The following TNIP3 variants were observed in gnomAD, a reference collection of about 807,000 sequenced individuals.
TNIP3 encodes the protein TNFAIP3-interacting protein 3.
Under a neutral mutation model 54.1 loss-of-function variants are expected in TNIP3, and 34 were observed. That is an observed-to-expected ratio of 0.63 (90% CI 0.48 to 0.84). TNIP3 has a LOEUF of 0.84. Among genes scored for constraint, TNIP3 ranks in the 40% least tolerant of loss-of-function variants. The pLI is 0.00. For synonymous variants in TNIP3, 134 were observed against 136.8 expected, an observed-to-expected ratio of 0.98 and a Z score of 0.14; for missense variants, 366 against 387.6, an observed-to-expected ratio of 0.94 and a Z score of 0.47.
chr4:121,176,569 T>A (rs947918487), intron 3 of TNIP3, among the ~76,000 whole-genome samples: 1 of 151,998 alleles, frequency 6.6e-6, no homozygotes, highest in Non-Finnish European at 1.5e-5. Context: ...GTTGTGTTGG[T>A]TTAGCACTTT....
chr4:121,148,554 T>C (rs1729560597), intron 6 of TNIP3, among the ~76,000 whole-genome samples: 1 of 152,216 alleles, frequency 6.6e-6, no homozygotes, highest in South Asian at 2.1e-4. Flanking sequence ...ACAGTTACTT[T>C]AGGGGTTGAG....
At chr4:121,152,908 A>T (rs1177191241) in intron 5 of TNIP3, among the ~76,000 whole-genome samples, 1 of 152,158 alleles carries the variant, frequency 6.6e-6, no homozygotes, top group Non-Finnish European at 1.5e-5. Flanking sequence ...CAAAAATCCT[A>T]CCTTCATGGA....
chr4:121,175,446 C>T (rs949853788), intron 3 of TNIP3, among the ~76,000 whole-genome samples: 4 of 152,136 alleles, frequency 2.6e-5, no homozygotes, highest in Non-Finnish European at 1.5e-5. Flanking sequence ...GGTTGCTTCC[C>T]CCACCAAGCC....
In TNIP3 at chr4:121,150,178, C is replaced by G. The variant is rs1729661568; in HGVS notation, c.534G>C (p.Glu178Asp). Residue 178 changes from glutamate (E) to aspartate (D), a missense_variant, in exon 6 of 11, where the codon GAG becomes GAC. Glu to Asp is a conservative substitution (Grantham distance 45). Coordinates refer to ENST00000057513, the MANE Select transcript of TNIP3 (RefSeq NM_024873.6). ...DALNIKCSFSEDCLRKSRVEF... is the reference protein window; with the variant it reads ...DALNIKCSFSDDCLRKSRVEF... ...CCACTCGAGACTTCCTCAAACAGTC[C>G]TCGGAAAATGAACACTTGATATTCA... The G allele has an allele frequency of 6.2e-7, 1 of 1,613,598 alleles. No individual in the cohort carries two copies. The highest frequency in any genetic ancestry group is 1.3e-5 in the African/African-American group (1 of 74,858).
intron 2 of TNIP3, among the ~76,000 whole-genome samples, chr4:121,202,799 T>C (rs938409645): frequency 2.6e-5 from 4 of 151,932 alleles, no homozygotes; most frequent in African/African-American, 9.7e-5. Context: ...AAAGAAGATA[T>C]AAAAATGACC....
At chr4:121,160,856 G>A (rs1730405373) in intron 2 of TNIP3, among the ~76,000 whole-genome samples, 1 of 152,164 alleles carries the variant, frequency 6.6e-6, no homozygotes, top group South Asian at 2.1e-4. Flanking sequence ...CTTGGTCTGT[G>A]TGGAGGAAAC....
At chr4:121,152,068 G>A (rs1421766068) in intron 5 of TNIP3, among the ~76,000 whole-genome samples, 2 of 152,132 alleles carry the variant, frequency 1.3e-5, no homozygotes, top group South Asian at 2.1e-4. Context: ...AAATTGAATA[G>A]AGTACACATA....
In TNIP3 at chr4:121,154,580, A is replaced by G. The variant is rs761864588; in HGVS notation, c.463T>C (p.Tyr155His). 6.2e-7 allele frequency: 1 copy of G among 1,613,804 alleles called. No homozygotes were observed. Among genetic ancestry groups the G allele is most frequent in the Non-Finnish European group, 8.5e-7 (1 of 1,180,006 alleles). ...NTLANKEKEH[Y>H]ECEIKRLNKA... is the part of the protein sequence containing the mutation. ...TTGAGGCGTTTTATTTCACATTCGT[A>G]ATGTTCCTTTTCCTTGTTCGCAAGA... is the stretch of plus-strand genomic sequence containing the variant. The change falls in exon 5 of 11, where the codon TAC (tyrosine) becomes CAC (histidine). Residue 155 changes from tyrosine (Y) to histidine (H), a missense_variant. Coordinates refer to ENST00000057513, the MANE Select transcript of TNIP3 (RefSeq NM_024873.6).
intron 4 of TNIP3, among the ~76,000 whole-genome samples, chr4:121,156,244 A>G (rs1730078782): frequency 1.3e-5 from 2 of 152,226 alleles, no homozygotes; most frequent in Admixed American, 6.5e-5. Context: ...GATATCAGTG[A>G]TAAGATTTCC....
At chr4:121,168,456 C>T (rs895884345), upstream of TNIP3, among the ~76,000 whole-genome samples, 55 of 152,166 alleles carry the variant, frequency 3.6e-4, no homozygotes, top group African/African-American at 1.2e-3. Flanking sequence ...GCCTCGGCCT[C>T]CCAAAGTGCT....
At chr4:121,159,334 T>A (rs1281759246) in intron 2 of TNIP3, among the ~76,000 whole-genome samples, 2 of 152,248 alleles carry the variant, frequency 1.3e-5, no homozygotes, top group Non-Finnish European at 2.9e-5. Context: ...AGTTTATCAG[T>A]AACTTTTAAC....
upstream of TNIP3, among the ~76,000 whole-genome samples, chr4:121,220,824 C>T (rs1448968050): frequency 6.6e-6 from 1 of 152,042 alleles, no homozygotes; most frequent in Non-Finnish European, 1.5e-5. Context: ...GAATGGACAG[C>T]AGGATTCGTT....
chr4:121,199,680 G>A (rs369270083), intron 2 of TNIP3, among the ~76,000 whole-genome samples: 1 of 152,224 alleles, frequency 6.6e-6, no homozygotes, highest in Non-Finnish European at 1.5e-5. Context: ...GAGAAGAATG[G>A]CCTGGAGAAG....
At chr4:121,179,405 C>T (rs1724551210) in intron 3 of TNIP3, among the ~76,000 whole-genome samples, 2 of 152,242 alleles carry the variant, frequency 1.3e-5, no homozygotes, top group Non-Finnish European at 2.9e-5. Flanking sequence ...ATATTTACCC[C>T]AATAGGTATT....
At chr4:121,159,484 G>A (rs1452592676) in intron 2 of TNIP3, among the ~76,000 whole-genome samples, 2 of 151,926 alleles carry the variant, frequency 1.3e-5, no homozygotes, top group African/African-American at 4.8e-5. Flanking sequence ...ATTTTTCTTT[G>A]TGCTTACACT....
Position 121,227,343 on chromosome 4 carries a change from A to G in TNIP3, c.3+42T>C, listed in dbSNP as rs1033899383. 18 of 1,527,536 alleles carry G rather than the reference A, an allele frequency of 1.2e-5. No individual in the cohort carries two copies. The African/African-American group carries it at 2.3e-4, about 20-fold the overall frequency. 94.6% of individuals were successfully genotyped at this position (1,527,536 alleles called of 1,614,324 possible). ...TAAGTTACAACCAACCCTGGTAAGT[A>G]AGCGAAATGAAAGTAAAGGCACAAG... On this transcript the variant is annotated intron_variant, in intron 1 of 12. Transcript: ENST00000509841.
At chr4:121,191,345 A>G (rs1043253705) in intron 2 of TNIP3, among the ~76,000 whole-genome samples, 1 of 152,210 alleles carries the variant, frequency 6.6e-6, no homozygotes, top group Non-Finnish European at 1.5e-5. Flanking sequence ...TACAGTGGAA[A>G]TACACTCAGG....
upstream of TNIP3, among the ~76,000 whole-genome samples, chr4:121,166,376 T>A (rs534296453): frequency 6.6e-6 from 1 of 152,336 alleles, no homozygotes; most frequent in African/African-American, 2.4e-5. Flanking sequence ...ATTAATTGGG[T>A]CTTTTCTGTT....
rs1726795076 is a variant in TNIP3 at position 121,216,430 on chromosome 4, G to A, written c.53C>T (p.Ser18Phe). The change falls in exon 2 of 13, where the codon TCT becomes TTT. Residue 18 changes from serine to phenylalanine, a missense_variant. Ser to Phe is a radical substitution (Grantham distance 155, BLOSUM62 -2). Coordinates refer to the TNIP3 transcript ENST00000507879. ...CTGTTATTACCTTTCAGAATCTTCA[G>A]ATTGATTGGTGAACATTACCAGTTT... 3.3e-6 allele frequency: 5 copies of A among 1,535,326 alleles called. No homozygotes were observed. In the East Asian group the frequency reaches 9.8e-5, roughly 30 times the overall value.
Sources: allele counts gnomAD v4.1 joint callset (sites outside exome capture counted in the v4.1 genomes callset), GRCh38; gene constraint gnomAD v4.1.1; transcripts MANE v1.5; gene names NCBI Gene and HGNC (gene_info 2026-07-23, HGNC 2026-07-21).